Variants in ANXA7 observed in about 807,000 individuals in gnomAD.
ANXA7 encodes annexin A7.
In ANXA7, 55 loss-of-function variants were observed where a neutral mutation model predicts 64.9. The ratio of observed to expected loss-of-function variants is 0.85; its 90% confidence interval spans 0.68 to 1.06. ANXA7 has a LOEUF of 1.06. Among genes scored for constraint, ANXA7 ranks in the 50% least tolerant of loss-of-function variants. ANXA7 has a pLI of 0.00. For synonymous variants in ANXA7, 200 were observed against 192.4 expected (o/e 1.04, Z -0.33); for missense variants, 548 against 582.1 (o/e 0.94, Z 0.60).
intron 1 of ANXA7, among the ~76,000 whole-genome samples, chr10:73,413,742 G>A (rs1589670747): frequency 6.6e-6 from 1 of 152,216 alleles, no homozygotes; most frequent in African/African-American, 2.4e-5. Context: ...CCACCTGCCC[G>A]AGGGCGGGGC....
intron 12 of ANXA7, among the ~76,000 whole-genome samples, chr10:73,376,995 C>A (rs188192587): frequency 2.5e-3 from 375 of 152,160 alleles, no homozygotes; most frequent in African/African-American, 8.6e-3. Flanking sequence ...TGGTTTGTTG[C>A]CAGCAGTTGG....
At chr10:73,390,212 GA>G (rs1171941914) in intron 5 of ANXA7, among the ~76,000 whole-genome samples, 4 of 152,068 alleles carry the variant, frequency 2.6e-5, no homozygotes, top group Non-Finnish European at 5.9e-5. Context: ...TTAGACAACA[GA>G]AACTGTATTT....
At position 73,397,179 on chromosome 10, in the gene ANXA7, G is replaced by C. The variant is rs750248208; in HGVS notation, c.355C>G (p.Gln119Glu). Residue 119 changes from glutamine to glutamate, a missense_variant, in exon 4 of 13, where the codon CAG (glutamine) becomes GAG (glutamate). By Grantham distance (29) the Gln-to-Glu change is conservative. Transcript: ENST00000372921. ...PSQSYGGGPA[Q>E]VPLPGGFPGG... is the part of the protein sequence containing the mutation. ...TGGTACCTACCAGGTAGTGGAACCT[G>C]TGCTGGACCACCTCCATAAGACTGT... 6.2e-7 allele frequency: 1 copy of C among 1,607,324 alleles called. No individual in the cohort carries two copies. The highest frequency in any genetic ancestry group is 1.1e-5 in the South Asian group (1 of 89,662).
intron 3 of ANXA7, among the ~76,000 whole-genome samples, 187 bp from the exon 4 acceptor site, chr10:73,397,461 A>G (rs2055594641): frequency 6.6e-6 from 1 of 152,042 alleles, no homozygotes; most frequent in South Asian, 2.1e-4. Context: ...TTTACCTTAT[A>G]TATTTATTTA....
intron 3 of ANXA7, 59 bp from the exon 4 acceptor site, chr10:73,397,333 T>G (rs1352547853): frequency 2.2e-5 from 22 of 1,007,908 alleles, no homozygotes; most frequent in Non-Finnish European, 3.2e-5. Flanking sequence ...CAGAAAAAAC[T>G]TTAGAAAAAT....
At position 73,403,021 on chromosome 10, in the gene ANXA7, C is replaced by T. The variant is rs375281413; in HGVS notation, c.-1-2164G>A. Among the ~76,000 whole-genome samples the T allele has an allele frequency of 5.3e-5, 8 of 152,260 alleles. No homozygotes were observed. In the East Asian group the frequency reaches 5.8e-4, roughly 11 times the overall value. On this transcript the variant is annotated intron_variant, in intron 1 of 12. Coordinates refer to ENST00000372921, the MANE Select transcript of ANXA7 (RefSeq NM_001156.5). ...TGTATTTTTAGTAGAGATGGGGTTTCACCATCTTGGCCAGGCTGGTCTTGA... is the reference window on the plus strand; with the variant it reads ...TGTATTTTTAGTAGAGATGGGGTTTTACCATCTTGGCCAGGCTGGTCTTGA...
chr10:73,383,121 G>C (rs2055300861), intron 9 of ANXA7, 54 bp downstream of exon 9: 13 of 1,485,800 alleles, frequency 8.7e-6, no homozygotes, highest in Non-Finnish European at 1.2e-5. Context: ...ACTGGCAAAA[G>C]GCTTTTAAAG....
At chr10:73,378,454 T>C (rs187292174) in intron 12 of ANXA7, among the ~76,000 whole-genome samples, 241 of 151,134 alleles carry the variant, frequency 1.6e-3, no homozygotes, top group African/African-American at 5.4e-3. Flanking sequence ...GGAGTAAATA[T>C]ATAAAGTACA....
chr10:73,377,762 G>GT (rs2055198384), intron 12 of ANXA7, among the ~76,000 whole-genome samples: 1 of 146,740 alleles, frequency 6.8e-6, no homozygotes, highest in Admixed American at 6.7e-5. Context: ...CCATGCCGGG[G>GT]GGTGGGTGTG....
chr10:73,383,554 T>C, intron 8 of ANXA7, 23 bp downstream of exon 8: 2 of 1,540,612 alleles, frequency 1.3e-6, no homozygotes, highest in Non-Finnish European at 1.8e-6. Context: ...AAAATATTCA[T>C]AATAAATGAC....
At chr10:73,384,266 T>C (rs2055326210) in intron 7 of ANXA7, among the ~76,000 whole-genome samples, 1 of 152,190 alleles carries the variant, frequency 6.6e-6, no homozygotes, top group South Asian at 2.1e-4. Flanking sequence ...CTCTACCAGG[T>C]ACAAAAACAA....
intron 8 of ANXA7, 47 bp from the exon 9 acceptor site, chr10:73,383,392 G>C (rs780985059): frequency 3.9e-6 from 6 of 1,528,888 alleles, no homozygotes; most frequent in Non-Finnish European, 5.3e-6. Flanking sequence ...TGAAATTTCT[G>C]CAAGTAATTA....
intron 9 of ANXA7, among the ~76,000 whole-genome samples, chr10:73,382,254 A>G (rs148895694): frequency 2.9e-3 from 447 of 152,336 alleles, no homozygotes; most frequent in African/African-American, 9.5e-3. Flanking sequence ...ACAATAGGCA[A>G]TAACTCTTGA....
At position 73,398,353 on chromosome 10, in the gene ANXA7, A is replaced by G. The variant is rs764092266; in HGVS notation, c.87T>C (p.Ser29=). Residue 29 remains serine (S), a synonymous_variant, in exon 3 of 13, where the codon TCT becomes TCC. Transcript: ENST00000372921. ...AGCCACTAGGATAAGGATACTGACCAGAAGGGGGAAAAGATGACTCCTGAC... is the reference window on the plus strand; with the variant it reads ...AGCCACTAGGATAAGGATACTGACCGGAAGGGGGAAAAGATGACTCCTGAC... The part of the protein sequence containing the change: ...PAGQESSFPP[S]GQYPYPSGFP... The G allele has an allele frequency of 6.2e-7, 1 of 1,614,064 alleles. No individual in the cohort carries two copies. Among genetic ancestry groups the G allele is most frequent in the Admixed American group, 1.7e-5 (1 of 60,016 alleles).
chr10:73,388,846 A>G (rs561243816), intron 5 of ANXA7, among the ~76,000 whole-genome samples: 7 of 152,342 alleles, frequency 4.6e-5, no homozygotes, highest in African/African-American at 7.2e-5. Flanking sequence ...AACCAGCAAT[A>G]TAATTTTAGT....
At chr10:73,403,294 G>A (rs2055701109) in intron 1 of ANXA7, among the ~76,000 whole-genome samples, 1 of 152,180 alleles carries the variant, frequency 6.6e-6, no homozygotes, top group Non-Finnish European at 1.5e-5. Context: ...TTTGAGATCA[G>A]CCTGGGCAAC....
rs143379385 is a variant in ANXA7 at position 73,378,930 on chromosome 10, A to C, written c.1259T>G (p.Ile420Ser). The change falls in exon 12 of 13, where the codon ATT becomes AGT. Residue 420 changes from isoleucine to serine, a missense_variant. Ile to Ser is a moderately radical substitution (Grantham distance 142). Transcript: ENST00000372921. Reference protein sequence around the residue: ...AGTDDSTLVRIVVTRSEIDLV... With the variant: ...AGTDDSTLVRSVVTRSEIDLV... ...CCTCACCTCACTTCGAGTGACCACA[A>C]TCCGGACCAGGGTGGAGTCATCTGT... The C allele has an allele frequency of 1.1e-5, 17 of 1,613,250 alleles. No homozygotes were observed. Among genetic ancestry groups the C allele is most frequent in the Non-Finnish European group, 1.4e-5 (17 of 1,179,596 alleles).
At chr10:73,409,141 C>A (rs779045765) in intron 1 of ANXA7, among the ~76,000 whole-genome samples, 1 of 152,080 alleles carries the variant, frequency 6.6e-6, no homozygotes, top group African/African-American at 2.4e-5. Flanking sequence ...CACTCCTATT[C>A]GACATAGTTC....
intron 1 of ANXA7, among the ~76,000 whole-genome samples, chr10:73,406,819 C>T (rs969150225): frequency 1.3e-5 from 2 of 152,148 alleles, no homozygotes; most frequent in Non-Finnish European, 2.9e-5. Context: ...GATCCACCCG[C>T]CTCAGCCTCC....
Sources: gnomAD v4.1 joint callset for allele counts (sites outside exome capture counted in the v4.1 genomes callset) on GRCh38, gnomAD v4.1.1 for gene constraint, MANE v1.5 for transcripts, NCBI Gene and HGNC (gene_info 2026-07-23, HGNC 2026-07-21) for gene names.